Variants in POMT1 observed in about 807,000 individuals in gnomAD.
POMT1 encodes the protein protein O-mannosyltransferase 1.
In POMT1, 85 loss-of-function variants were observed where a neutral mutation model predicts 101.6. The ratio of observed to expected loss-of-function variants is 0.84; its 90% confidence interval spans 0.70 to 1.00. The LOEUF (loss-of-function observed/expected upper bound fraction) is 1.00, where lower values mean the gene tolerates loss of function less well. Among genes scored for constraint, POMT1 ranks in the 50% least tolerant of loss-of-function variants. The pLI, the probability that POMT1 is intolerant of heterozygous loss-of-function variation, is 0.00. For synonymous variants in POMT1, 371 were observed against 383.0 expected, an observed-to-expected ratio of 0.97 and a Z score of 0.37; for missense variants, 857 against 930.4, an observed-to-expected ratio of 0.92 and a Z score of 1.03.
intron 17 of POMT1, 65 bp downstream of exon 17, chr9:131,520,258 T>A: frequency 7.5e-7 from 1 of 1,338,444 alleles, no homozygotes; most frequent in South Asian, 1.2e-5. Context: ...ATTCCTTGCA[T>A]TAAGAGCAGC....
intron 13 of POMT1, among the ~76,000 whole-genome samples, chr9:131,515,828 GGACACTTCCTCACAC>G (rs1257865499): frequency 3.3e-5 from 4 of 122,932 alleles, no homozygotes; most frequent in African/African-American, 1.2e-4. Flanking sequence ...CTCTAACACA[GGACACTTCCTCACAC>G]GGAGCACTTC....
At chr9:131,510,802 G>A (rs1222815198) in intron 9 of POMT1, 5 of 342,846 alleles carry the variant, frequency 1.5e-5, no homozygotes, top group Non-Finnish European at 2.8e-5. Context: ...CACCGCGCCT[G>A]GCAGCTGGGA....
intron 4 of POMT1, chr9:131,506,898 C>G (rs998997421): frequency 4.1e-5 from 10 of 244,288 alleles, no homozygotes; most frequent in Non-Finnish European, 6.5e-5. Flanking sequence ...GAAACCCCGT[C>G]TCTACTAAAA....
intron 12 of POMT1, among the ~76,000 whole-genome samples, chr9:131,514,814 G>T (rs1001616712): frequency 6.6e-6 from 1 of 152,210 alleles, no homozygotes; most frequent in Admixed American, 6.5e-5. Flanking sequence ...AAATTAGCCA[G>T]GCATGGTGGC....
intron 6 of POMT1, 53 bp from the exon 7 acceptor site, chr9:131,509,690 T>A: frequency 1.2e-6 from 2 of 1,614,094 alleles, no homozygotes; most frequent in South Asian, 2.2e-5. Flanking sequence ...CACTAGCCTT[T>A]TGGAAATGTG....
At chr9:131,521,847 G>A (rs1949990809) in intron 18 of POMT1, among the ~76,000 whole-genome samples, 200 bp from the exon 19 acceptor site, 1 of 152,216 alleles carries the variant, frequency 6.6e-6, no homozygotes, top group Non-Finnish European at 1.5e-5. Context: ...GGGTAACACA[G>A]GCAGCCAGGC....
intron 6 of POMT1, among the ~76,000 whole-genome samples, chr9:131,509,237 G>A (rs1008389870): frequency 6.6e-6 from 1 of 151,972 alleles, no homozygotes; most frequent in Non-Finnish European, 1.5e-5. Context: ...TGCAACCTCC[G>A]CTTCCCAGGT....
intron 15 of POMT1, 27 bp downstream of exon 15, chr9:131,518,984 CT>C (rs1949341991): frequency 6.2e-7 from 1 of 1,612,722 alleles, no homozygotes; most frequent in Non-Finnish European, 8.5e-7. Flanking sequence ...GCTTCCGCCG[CT>C]CCTGGAATGT....
At chr9:131,521,758 G>A (rs149102520) in intron 18 of POMT1, among the ~76,000 whole-genome samples, 146 of 152,326 alleles carry the variant, frequency 9.6e-4, no homozygotes, top group African/African-American at 3.2e-3. Flanking sequence ...TGCGTTAGAG[G>A]TGTCTCCAGT....
At position 131,510,884 on chromosome 9, in the gene POMT1, T is replaced by C. The variant is rs370906302; in HGVS notation, c.856-453T>C. 28 of 315,624 alleles carry C rather than the reference T, an allele frequency of 8.9e-5. 1 individual carries two copies. The highest frequency in any genetic ancestry group is 6.1e-4 in the Admixed American group (13 of 21,450). The allele number at this position is 315,624 out of a possible 1,614,324, so 19.6% of individuals were successfully genotyped here. A position where few individuals can be genotyped will look rare whatever the true frequency, so the allele number is the denominator to read the frequency against. On this transcript the variant is annotated intron_variant, in intron 9 of 19. Transcript: ENST00000402686. ...TTAAGGACCACACTCAACTGTGACC[T>C]TCATTCCTATGAACCTCGCAGCAGT...
At chr9:131,516,190 C>T (rs1042689318) in intron 13 of POMT1, among the ~76,000 whole-genome samples, 3 of 128,462 alleles carry the variant, frequency 2.3e-5, no homozygotes, top group Admixed American at 8.4e-5. Context: ...TCCTCTAACA[C>T]AGGACACTTC....
In POMT1 at chr9:131,522,083, G is replaced by GT; in HGVS notation, c.1863dup (p.Ala622CysfsTer87). Reference sequence around the variant, plus strand: ...CGCTGGGTGCTGGCTGGGGCGCTGTGTGCCGGTGGCTGGGCAGTGAACTAC... The same window carrying GT: ...CGCTGGGTGCTGGCTGGGGCGCTGTGTTGCCGGTGGCTGGGCAGTGAACTAC... On this transcript the variant is annotated frameshift_variant, in exon 19 of 20. Transcript: ENST00000402686. LOFTEE classifies it high-confidence loss of function. This position sits in a 1 kb window ranked among gnomAD's most constrained non-coding sequence, Gnocchi z 5.5. 2 of 1,614,144 alleles carry GT rather than the reference G, an allele frequency of 1.2e-6. No individual in the cohort carries two copies. Among genetic ancestry groups the GT allele is most frequent in the Non-Finnish European group, 1.7e-6 (2 of 1,180,036 alleles).
In POMT1 at chr9:131,519,933, A is replaced by G; in HGVS notation, c.1585-147A>G. 1.4e-6 allele frequency: 1 copy of G among 709,894 alleles called. No homozygotes were observed. Among genetic ancestry groups the G allele is most frequent in the Admixed American group, 2.0e-5 (1 of 49,200 alleles). 44.0% of individuals were successfully genotyped at this position (709,894 alleles called of 1,614,324 possible). On this transcript the variant is annotated intron_variant, in intron 16 of 19. Transcript: ENST00000402686. This position sits in a 1 kb window ranked among gnomAD's most constrained non-coding sequence, Gnocchi z 4.3. ...ATTCAGGGCTGGAATCCAGGTTCTC[A>G]TCATGCTGCCTCCGATGCATGATCC...
At position 131,504,332 on chromosome 9, in the gene POMT1, G is replaced by A; in HGVS notation, c.114G>A (p.Arg38=). 1 of 1,614,214 alleles carries A rather than the reference G, an allele frequency of 6.2e-7. No homozygotes were observed. Among genetic ancestry groups the A allele is most frequent in the Non-Finnish European group, 8.5e-7 (1 of 1,180,040 alleles). ...GGCTGTGGCGACTCACCTACCCGCG[G>A]GCTGTGGTGTAAGCTAAATGACTCC... ...LSRLWRLTYP[R]AVVFDEVYYG... is the part of the protein sequence containing the mutation. The change falls in exon 2 of 20, where the codon CGG becomes CGA. Residue 38 remains arginine (R), a synonymous_variant. Coordinates refer to ENST00000402686, the MANE Select transcript of POMT1 (RefSeq NM_001077365.2).
chr9:131,515,646 C>T (rs926393293), intron 13 of POMT1, 124 bp downstream of exon 13: 8 of 875,202 alleles, frequency 9.1e-6, no homozygotes, highest in Middle Eastern at 3.3e-4. Flanking sequence ...CTTCATCACA[C>T]GGAGCACTTC....
intron 7 of POMT1, 24 bp from the exon 8 acceptor site, chr9:131,509,879 T>TC: frequency 6.2e-7 from 1 of 1,614,208 alleles, no homozygotes; most frequent in Non-Finnish European, 8.5e-7. Flanking sequence ...TCATGTTAAC[T>TC]CCATTTCTGT....
Position 131,510,270 on chromosome 9 carries a change from T to G in POMT1, c.710T>G (p.Phe237Cys). The G allele has an allele frequency of 1.2e-6, 2 of 1,614,246 alleles. No homozygotes were observed. The highest frequency in any genetic ancestry group is 1.7e-6 in the Non-Finnish European group (2 of 1,180,038). ...TTGAATCTCTGGCAGGTCTGTGTGT[T>G]CTGTCACTTGCTCGCCCGAGCAGTG... The part of the protein sequence containing the change: ...GDQTLSNVCV[F>C]CHLLARAVAL... The change falls in exon 9 of 20, where the codon TTC (phenylalanine) becomes TGC (cysteine). Residue 237 changes from phenylalanine to cysteine, a missense_variant. Phe to Cys is a radical substitution (Grantham distance 205). Coordinates refer to ENST00000402686, the MANE Select transcript of POMT1 (RefSeq NM_001077365.2).
chr9:131,506,123 A>G lies in POMT1; in HGVS notation c.132A>G (p.Glu44=), dbSNP rs398124244. The change falls in exon 3 of 20, where the codon GAA becomes GAG. Residue 44 remains glutamate (E), a synonymous_variant. Coordinates refer to ENST00000402686, the MANE Select transcript of POMT1 (RefSeq NM_001077365.2). ...TTGTTTTTTTTTCTAGTTTTGACGA[A>G]GTATATTATGGGCAGTACATCTCTT... ...LTYPRAVVFD[E]VYYGQYISFY... 6.2e-7 allele frequency: 1 copy of G among 1,613,828 alleles called. No individual in the cohort carries two copies. Among genetic ancestry groups the G allele is most frequent in the East Asian group, 2.2e-5 (1 of 44,894 alleles).
intron 9 of POMT1, chr9:131,510,876 C>T (rs377301824): frequency 1.2e-5 from 4 of 322,064 alleles, no homozygotes; most frequent in Middle Eastern, 1.1e-3. Context: ...CCACACTCAA[C>T]TGTGACCTTC....
Sources: allele counts gnomAD v4.1 joint callset (sites outside exome capture counted in the v4.1 genomes callset), GRCh38; gene constraint gnomAD v4.1.1; non-coding constraint Gnocchi (gnomAD v3.1); transcripts MANE v1.5; gene names NCBI Gene and HGNC (gene_info 2026-07-23, HGNC 2026-07-21).